The following PKNOX2 variants were observed in gnomAD, a reference collection of about 807,000 sequenced individuals.
PKNOX2 encodes the protein PBX/knotted 1 homeobox 2.
A neutral mutation model predicts 53.1 loss-of-function variants in PKNOX2; 14 were observed. The ratio of observed to expected loss-of-function variants is 0.26; its 90% confidence interval spans 0.17 to 0.41. The LOEUF is 0.41. Among genes scored for constraint, PKNOX2 ranks in the 10% least tolerant of loss-of-function variants. PKNOX2 has a pLI of 1.00. For synonymous variants in PKNOX2, 257 were observed against 242.8 expected (o/e 1.06, Z -0.54); for missense variants, 496 against 602.8 (o/e 0.82, Z 1.85).
chr11:125,428,009 T>A (rs1956511679), intron 10 of PKNOX2, among the ~76,000 whole-genome samples: 1 of 152,168 alleles, frequency 6.6e-6, no homozygotes, highest in African/African-American at 2.4e-5. Flanking sequence ...CACCACTGCA[T>A]TTCTCTCCTT....
intron 1 of PKNOX2, among the ~76,000 whole-genome samples, chr11:125,167,621 G>T (rs1021492891): frequency 6.6e-6 from 1 of 152,246 alleles, no homozygotes. Context: ...TGCCTCGTGC[G>T]AATTGCACTG....
chr11:125,354,264 C>T lies in PKNOX2; in HGVS notation c.87+2872C>T, dbSNP rs572504506. ...ACTCCACATGTTCAGGGAAGCAGGA[C>T]CTGATGGGAACATGGGCCAGGCACA... On this transcript the variant is annotated intron_variant, in intron 4 of 12. Transcript: ENST00000298282. 2.0e-5 allele frequency among the ~76,000 whole-genome samples: 3 copies of T among 152,308 alleles called. No individual in the cohort carries two copies. In the East Asian group the frequency reaches 5.8e-4, roughly 29 times the overall value.
intron 2 of PKNOX2, among the ~76,000 whole-genome samples, chr11:125,307,164 T>C (rs1212861141): frequency 6.6e-6 from 1 of 152,218 alleles, no homozygotes; most frequent in Non-Finnish European, 1.5e-5. Context: ...CAGATACTCA[T>C]TTGTTGGAAA....
At position 125,431,681 on chromosome 11, in the gene PKNOX2, T is replaced by C; in HGVS notation, c.*289T>C. 1 of 443,222 alleles carries C rather than the reference T, an allele frequency of 2.3e-6. No homozygotes were observed. The highest frequency in any genetic ancestry group is 4.1e-6 in the Non-Finnish European group (1 of 242,984). The allele number at this position is 443,222 out of a possible 1,614,324, so 27.5% of individuals were successfully genotyped here. A position where few individuals can be genotyped will look rare whatever the true frequency, so the allele number is the denominator to read the frequency against. On this transcript the variant is annotated 3_prime_UTR_variant, in exon 13 of 13. Transcript: ENST00000298282. ...AGGAGTGAGATCTGGACTCACCAAATCCCTGAGGATAGATGGCACCCATGG... is the reference window on the plus strand; with the variant it reads ...AGGAGTGAGATCTGGACTCACCAAACCCCTGAGGATAGATGGCACCCATGG...
chr11:125,236,579 A>C (rs1174818787), intron 2 of PKNOX2, among the ~76,000 whole-genome samples: 1 of 152,188 alleles, frequency 6.6e-6, no homozygotes, highest in African/African-American at 2.4e-5. Context: ...GCAGCCGGGC[A>C]CCTGGCTCTG....
At chr11:125,343,803 G>A (rs61917779) in intron 3 of PKNOX2, among the ~76,000 whole-genome samples, 15,450 of 152,186 alleles carry the variant, frequency 0.1, 1,043 homozygotes, top group Non-Finnish European at 0.15. Flanking sequence ...GGAGCAGGGC[G>A]GGTGTTGCTC....
At chr11:125,204,049 G>T (rs944280728) in intron 1 of PKNOX2, among the ~76,000 whole-genome samples, 2 of 152,178 alleles carry the variant, frequency 1.3e-5, no homozygotes, top group African/African-American at 4.8e-5. Flanking sequence ...TGTGGAGAGG[G>T]GGGAGGCAGG....
rs1177106470 is a variant in PKNOX2 at position 125,429,947 on chromosome 11, CTT to C, written c.1014-14_1014-13del. ...CAGGTGATGACTAACCAGGTCTCCA[CTT>C]TACCTCTGGGCAGGTTCATCAATGC... is the stretch of plus-strand genomic sequence containing the variant. On this transcript the variant is annotated splice_polypyrimidine_tract_variant and intron_variant, in intron 11 of 12. Transcript: ENST00000298282. The C allele has an allele frequency of 9.9e-6, 16 of 1,612,266 alleles. No homozygotes were observed. Among genetic ancestry groups the C allele is most frequent in the Non-Finnish European group, 1.2e-5 (14 of 1,178,944 alleles).
At chr11:125,414,559 C>A (rs1437373375) in intron 10 of PKNOX2, among the ~76,000 whole-genome samples, 1 of 152,174 alleles carries the variant, frequency 6.6e-6, no homozygotes, top group African/African-American at 2.4e-5. Flanking sequence ...GCAGGCCACA[C>A]CTGGGCCACA....
At chr11:125,362,131 G>A (rs1373079603) in intron 4 of PKNOX2, among the ~76,000 whole-genome samples, 1 of 140,406 alleles carries the variant, frequency 7.1e-6, no homozygotes, top group Admixed American at 6.8e-5. Context: ...CACATGCAGA[G>A]GGGGGTGAAG....
chr11:125,228,217 A>G (rs933341748), intron 1 of PKNOX2, among the ~76,000 whole-genome samples: 2 of 152,252 alleles, frequency 1.3e-5, no homozygotes, highest in Non-Finnish European at 2.9e-5. Flanking sequence ...CACTAGCTAC[A>G]TGTGCTGTTG....
intron 5 of PKNOX2, among the ~76,000 whole-genome samples, chr11:125,373,495 G>C (rs914732863): frequency 6.6e-6 from 1 of 152,232 alleles, no homozygotes; most frequent in African/African-American, 2.4e-5. Flanking sequence ...TCCTCATCTA[G>C]ATTGTCATGA....
At chr11:125,348,679 G>T (rs111280671) in intron 3 of PKNOX2, among the ~76,000 whole-genome samples, 65 of 152,286 alleles carry the variant, frequency 4.3e-4, no homozygotes, top group African/African-American at 1.4e-3. Context: ...ATATTTCTGG[G>T]GACAGCGCCT....
At chr11:125,275,373 G>A (rs1344169283) in intron 2 of PKNOX2, among the ~76,000 whole-genome samples, 5 of 152,182 alleles carry the variant, frequency 3.3e-5, no homozygotes, top group African/African-American at 1.2e-4. Flanking sequence ...ACAAGACGGA[G>A]GATGAAGAGA....
rs965932291 is a variant in PKNOX2 at position 125,220,366 on chromosome 11, G to A, written c.-200-14679G>A. Reference sequence around the variant, plus strand: ...TCTGCGGCTGCGTTCTGCCGAGAGCGGCTGATTTCCAACCCCTGAGCTCCG... The same window carrying A: ...TCTGCGGCTGCGTTCTGCCGAGAGCAGCTGATTTCCAACCCCTGAGCTCCG... On this transcript the variant is annotated intron_variant, in intron 1 of 12. Transcript: ENST00000298282. Among the ~76,000 whole-genome samples the A allele has an allele frequency of 2.6e-5, 4 of 152,300 alleles. No individual in the cohort carries two copies. In the South Asian group the frequency reaches 8.3e-4, roughly 32 times the overall value.
chr11:125,390,461 T>C (rs751710389), intron 6 of PKNOX2, among the ~76,000 whole-genome samples: 33 of 152,320 alleles, frequency 2.2e-4, no homozygotes, highest in Admixed American at 7.2e-4. Flanking sequence ...TAACCCACAG[T>C]GCAACTCTGA....
intron 2 of PKNOX2, among the ~76,000 whole-genome samples, chr11:125,251,906 T>C (rs1328730374): frequency 6.6e-6 from 1 of 152,038 alleles, no homozygotes; most frequent in African/African-American, 2.4e-5. Flanking sequence ...TGTCTCTTCA[T>C]TGTTCATTCA....
intron 1 of PKNOX2, among the ~76,000 whole-genome samples, chr11:125,230,233 G>A (rs1169129114): frequency 6.6e-6 from 1 of 152,236 alleles, no homozygotes; most frequent in African/African-American, 2.4e-5. Context: ...GGATGCATAA[G>A]AGTCTCAGAG....
chr11:125,413,086 C>T (rs1046285329), intron 10 of PKNOX2, among the ~76,000 whole-genome samples: 7 of 152,208 alleles, frequency 4.6e-5, no homozygotes, highest in Non-Finnish European at 7.3e-5. Context: ...AGTGTTCCCT[C>T]GCCTCTGGGG....
Sources: gnomAD v4.1 joint callset for allele counts (sites outside exome capture counted in the v4.1 genomes callset) on GRCh38, gnomAD v4.1.1 for gene constraint, MANE v1.5 for transcripts, NCBI Gene and HGNC (gene_info 2026-07-23, HGNC 2026-07-21) for gene names.